Variants in GRIP1 observed in about 807,000 individuals in gnomAD.
GRIP1 encodes glutamate receptor interacting protein 1.
Under a neutral mutation model 129.9 loss-of-function variants are expected in GRIP1, and 45 were observed. The ratio of observed to expected loss-of-function variants is 0.35; its 90% confidence interval spans 0.27 to 0.44. The LOEUF is 0.44. Among genes scored for constraint, GRIP1 ranks in the 20% least tolerant of loss-of-function variants. The pLI, the probability that GRIP1 is intolerant of heterozygous loss-of-function variation, is 1.00. For synonymous variants in GRIP1, 530 were observed against 520.8 expected (o/e 1.02, Z -0.24); for missense variants, 1,196 against 1,396.8 (o/e 0.86, Z 2.29).
At chr12:66,887,332 T>C (rs1192182255) in intron 1 of GRIP1, among the ~76,000 whole-genome samples, 3 of 152,230 alleles carry the variant, frequency 2.0e-5, no homozygotes, top group African/African-American at 4.8e-5. Flanking sequence ...ATTTACAAAA[T>C]ATTTATAAAT....
intron 19 of GRIP1, among the ~76,000 whole-genome samples, chr12:66,383,916 G>C (rs1195673126): frequency 6.6e-6 from 1 of 152,152 alleles, no homozygotes; most frequent in Non-Finnish European, 1.5e-5. Context: ...CTGCTGTCTG[G>C]AATGCAAATG....
chr12:66,519,952 C>G (rs185471106), intron 5 of GRIP1, among the ~76,000 whole-genome samples: 28 of 152,310 alleles, frequency 1.8e-4, no homozygotes, highest in African/African-American at 6.3e-4. Context: ...ATTTAACCCT[C>G]CAAGGTTTAG....
chr12:66,844,392 C>A (rs1458834369), intron 1 of GRIP1, among the ~76,000 whole-genome samples: 2 of 152,118 alleles, frequency 1.3e-5, no homozygotes, highest in African/African-American at 4.8e-5. Context: ...CCATGAGATA[C>A]CACCTTGGAC....
intron 1 of GRIP1, among the ~76,000 whole-genome samples, chr12:66,964,673 G>A (rs1297844487): frequency 6.6e-6 from 1 of 152,118 alleles, no homozygotes; most frequent in African/African-American, 2.4e-5. Context: ...ACCTTCCCCA[G>A]AGAGTAGATA....
At position 66,752,948 on chromosome 12, in the gene GRIP1, C is replaced by T. The variant is rs553487537; in HGVS notation, c.-420+51105G>A. Among the ~76,000 whole-genome samples the T allele has an allele frequency of 2.7e-3, 406 of 152,014 alleles. 3 individuals carry two copies. Among genetic ancestry groups the T allele is most frequent in the African/African-American group, 9.2e-3 (381 of 41,470 alleles). ...ATAAATTTTAGCCAAGAAAATAAGA[C>T]AACAATGGAGAACTATAGCTCAAAC... is the stretch of plus-strand genomic sequence containing the variant. On this transcript the variant is annotated intron_variant, in intron 1 of 4. Coordinates refer to the GRIP1 transcript ENST00000538373.
chr12:66,420,868 T>C, intron 14 of GRIP1, 79 bp from the exon 15 acceptor site: 2 of 835,664 alleles, frequency 2.4e-6, no homozygotes, highest in Non-Finnish European at 4.2e-6. Context: ...TGTTTTATAA[T>C]AACTTAATGC....
At chr12:66,468,307 T>C (rs1198425175) in intron 7 of GRIP1, among the ~76,000 whole-genome samples, 2 of 152,312 alleles carry the variant, frequency 1.3e-5, no homozygotes, top group African/African-American at 2.4e-5. Context: ...CATCAAGCCA[T>C]GAGATAGATG....
At chr12:66,906,926 A>G (rs569434068) in intron 1 of GRIP1, among the ~76,000 whole-genome samples, 2 of 152,334 alleles carry the variant, frequency 1.3e-5, no homozygotes, top group South Asian at 2.1e-4. Flanking sequence ...CTTAATGTCA[A>G]TATCTCACAT....
At chr12:66,583,243 C>A (rs1289860699) in intron 2 of GRIP1, among the ~76,000 whole-genome samples, 1 of 149,388 alleles carries the variant, frequency 6.7e-6, no homozygotes, top group Non-Finnish European at 1.5e-5. Flanking sequence ...TTACACCTTA[C>A]ACAAAAATTA....
chr12:66,735,162 AATAGGATTT>A (rs2036553720), intron 1 of GRIP1, among the ~76,000 whole-genome samples: 1 of 152,154 alleles, frequency 6.6e-6, no homozygotes, highest in Admixed American at 6.5e-5. Context: ...TGTTCTTCTC[AATAGGATTT>A]ATAGGAGCGT....
chr12:66,381,996 C>T (rs998898774), intron 19 of GRIP1, among the ~76,000 whole-genome samples: 1 of 152,192 alleles, frequency 6.6e-6, no homozygotes, highest in Non-Finnish European at 1.5e-5. Context: ...GAAGCCAAGA[C>T]AGGCAGATCG....
intron 2 of GRIP1, among the ~76,000 whole-genome samples, chr12:66,569,736 TAG>T (rs771613557): frequency 4.6e-5 from 7 of 152,132 alleles, no homozygotes; most frequent in Admixed American, 6.5e-5. Context: ...GCCTCCAGGA[TAG>T]AGAGGGGGCT....
intron 7 of GRIP1, among the ~76,000 whole-genome samples, chr12:66,514,529 G>A (rs1419302136): frequency 1.3e-5 from 2 of 152,016 alleles, no homozygotes; most frequent in East Asian, 3.9e-4. Context: ...ACAAAAAGAA[G>A]AGAGAAAGAA....
At chr12:67,001,696 C>T (rs991500137) in intron 1 of GRIP1, among the ~76,000 whole-genome samples, 1 of 152,080 alleles carries the variant, frequency 6.6e-6, no homozygotes, top group African/African-American at 2.4e-5. Context: ...GGATGGAGTA[C>T]TCGTGTATTC....
At chr12:66,767,239 A>G (rs2037669328) in intron 1 of GRIP1, among the ~76,000 whole-genome samples, 1 of 152,196 alleles carries the variant, frequency 6.6e-6, no homozygotes, top group South Asian at 2.1e-4. Context: ...AAGCACCTTC[A>G]AATATCAGAT....
intron 4 of GRIP1, among the ~76,000 whole-genome samples, chr12:66,530,539 A>G (rs532282187): frequency 3.3e-5 from 5 of 152,186 alleles, no homozygotes; most frequent in Non-Finnish European, 5.9e-5. Flanking sequence ...TATTATGCTT[A>G]TGTTGTGTTT....
chr12:66,859,309 A>AATG (rs2040070241), intron 1 of GRIP1, among the ~76,000 whole-genome samples: 1 of 120,194 alleles, frequency 8.3e-6, no homozygotes, highest in African/African-American at 3.0e-5. Flanking sequence ...ACAAAAAAAA[A>AATG]CCAGTATTAG....
chr12:66,392,780 G>A lies in GRIP1; in HGVS notation c.2166C>T (p.Ala722=). The A allele has an allele frequency of 2.5e-6, 4 of 1,614,046 alleles. No homozygotes were observed. Among genetic ancestry groups the A allele is most frequent in the Non-Finnish European group, 3.4e-6 (4 of 1,179,942 alleles). ...TCCCTTTCAAGCTGCTGCTATTGATGGCTAGGATTCGGTCTCCTATGTGGA... is the reference window on the plus strand; with the variant it reads ...TCCCTTTCAAGCTGCTGCTATTGATAGCTAGGATTCGGTCTCCTATGTGGA... ...GAIHIGDRIL[A]INSSSLKGKP... The change falls in exon 18 of 25, where the codon GCC becomes GCT. Residue 722 remains alanine, a synonymous_variant. Coordinates refer to ENST00000359742, the MANE Select transcript of GRIP1 (RefSeq NM_001366722.1).
In GRIP1 at chr12:66,392,684, C is replaced by G. The variant is rs1014683071; in HGVS notation, c.2262G>C (p.Gln754His). 1.2e-6 allele frequency: 2 copies of G among 1,614,096 alleles called. No homozygotes were observed. Among genetic ancestry groups the G allele is most frequent in the East Asian group, 2.2e-5 (1 of 44,882 alleles). The change falls in exon 18 of 25, where the codon CAG becomes CAC. Residue 754 changes from glutamine to histidine, a missense_variant. Around this residue, in one of 5 missense-constraint regions of GRIP1, gnomAD observed 427 missense variants for 463.3 expected, o/e 0.92. Transcript: ENST00000359742. The stretch of plus-strand genomic sequence containing the variant: ...TTTCAATTCACTACTCACCATCTGT[C>G]TGTTTCTTAATTTTCAAGGTGACAG... ...GETVTLKIKKQTDAQSASSPK... is the reference protein window; with the variant it reads ...GETVTLKIKKHTDAQSASSPK...
Sources: gnomAD v4.1 joint callset for allele counts (sites outside exome capture counted in the v4.1 genomes callset) on GRCh38, gnomAD v4.1.1 for gene constraint, gnomAD v4.1.1 regional missense constraint, MANE v1.5 for transcripts, NCBI Gene and HGNC (gene_info 2026-07-23, HGNC 2026-07-21) for gene names.